Variants in DDX31 observed in about 807,000 individuals in gnomAD.
DDX31 encodes DEAD-box helicase 31.
Under a neutral mutation model 91.3 loss-of-function variants are expected in DDX31, and 70 were observed. The observed-to-expected ratio is 0.77, with a 90% confidence interval of 0.63 to 0.94. DDX31 has a LOEUF of 0.94. Ranked by LOEUF, DDX31 falls within the 40% of genes least tolerant of loss-of-function variation. DDX31 has a pLI of 0.00. For missense variants in DDX31, 902 were observed against 925.0 expected (o/e 0.98, Z 0.32); for synonymous variants, 362 against 350.6 (o/e 1.03, Z -0.36).
At chr9:132,659,687 G>T (rs1448717281) in intron 5 of DDX31, 23 bp downstream of exon 5, 4 of 1,596,720 alleles carry the variant, frequency 2.5e-6, no homozygotes, top group South Asian at 2.3e-5. Flanking sequence ...GATGAAAAAG[G>T]GCAGAGATGA....
chr9:132,659,358 C>A (rs183085711), intron 5 of DDX31, among the ~76,000 whole-genome samples: 1 of 152,166 alleles, frequency 6.6e-6, no homozygotes, highest in Admixed American at 6.5e-5. Flanking sequence ...GATCAGTGTA[C>A]GCTCAGGCCA....
At chr9:132,633,361 T>C (rs1332359785) in intron 14 of DDX31, among the ~76,000 whole-genome samples, 1 of 152,014 alleles carries the variant, frequency 6.6e-6, no homozygotes, top group Non-Finnish European at 1.5e-5. Flanking sequence ...CTTCTAAAAG[T>C]CCACACAAAA....
chr9:132,618,425 C>T lies in DDX31; in HGVS notation c.1730G>A (p.Gly577Asp). Residue 577 changes from glycine (G) to aspartate (D), a missense_variant, in exon 18 of 20, where the codon GGC (glycine) becomes GAC (aspartate). Physicochemically the swap from Gly to Asp is moderately conservative, Grantham distance 94. Transcript: ENST00000372159. ...GGCTCGCTCTCGGATTTCCTGGGGG[C>T]CAACAGCATGGGATTTCTGAGAGGG... ...RWGAQKSHAV[G>D]PQEIRERATV... 6.2e-7 allele frequency: 1 copy of T among 1,610,870 alleles called. No homozygotes were observed. The highest frequency in any genetic ancestry group is 8.5e-7 in the Non-Finnish European group (1 of 1,178,660).
intron 18 of DDX31, among the ~76,000 whole-genome samples, chr9:132,615,361 C>T (rs1831570656): frequency 6.6e-6 from 1 of 152,202 alleles, no homozygotes; most frequent in South Asian, 2.1e-4. Context: ...CCCACCTCCA[C>T]TCCCACAAGA....
At chr9:132,620,736 T>C (rs1831975763) in intron 17 of DDX31, among the ~76,000 whole-genome samples, 1 of 151,978 alleles carries the variant, frequency 6.6e-6, no homozygotes, top group African/African-American at 2.4e-5. Flanking sequence ...GGGGGCAGAG[T>C]TATGCAGCAC....
intron 7 of DDX31, 37 bp downstream of exon 7, chr9:132,652,411 T>C (rs1279005154): frequency 1.2e-6 from 2 of 1,613,690 alleles, no homozygotes; most frequent in Non-Finnish European, 8.5e-7. Flanking sequence ...AGTGAAAGCA[T>C]GTGCTTAAAA....
At chr9:132,660,651 T>C (rs1834877020) in intron 4 of DDX31, among the ~76,000 whole-genome samples, 1 of 152,206 alleles carries the variant, frequency 6.6e-6, no homozygotes, top group East Asian at 1.9e-4. Context: ...TCCCTTAATT[T>C]GGACTTTAAT....
intron 17 of DDX31, among the ~76,000 whole-genome samples, chr9:132,621,383 G>A (rs1832023651): frequency 2.0e-5 from 3 of 152,134 alleles, no homozygotes; most frequent in African/African-American, 7.2e-5. Context: ...AAAGTTGAAA[G>A]ATCAAATTTA....
At chr9:132,632,121 A>T (rs770245369) in intron 14 of DDX31, 30 bp from the exon 15 acceptor site, 11 of 1,605,178 alleles carry the variant, frequency 6.9e-6, no homozygotes, top group Non-Finnish European at 9.4e-6. Flanking sequence ...ATGGTTTAAC[A>T]CTGAGTTTCT....
At chr9:132,662,230 A>G (rs766988059) in intron 3 of DDX31, 31 bp downstream of exon 3, 17 of 1,612,340 alleles carry the variant, frequency 1.1e-5, no homozygotes, top group Middle Eastern at 1.6e-4. Flanking sequence ...ACCAAAAAAA[A>G]CTGACCCAGA....
chr9:132,622,631 C>T (rs745417210), intron 17 of DDX31, among the ~76,000 whole-genome samples: 25 of 152,284 alleles, frequency 1.6e-4, no homozygotes, highest in Admixed American at 4.6e-4. Context: ...ATACCTGAGA[C>T]GACGTTTGAT....
intron 16 of DDX31, among the ~76,000 whole-genome samples, chr9:132,629,021 C>T (rs1832565871): frequency 1.3e-5 from 2 of 152,248 alleles, no homozygotes; most frequent in South Asian, 4.1e-4. Flanking sequence ...CCCCAGGGTT[C>T]CTGGTACACC....
intron 9 of DDX31, among the ~76,000 whole-genome samples, chr9:132,649,348 G>A (rs1054276969): frequency 6.6e-6 from 1 of 152,242 alleles, no homozygotes; most frequent in Admixed American, 6.5e-5. Flanking sequence ...AGCACCTTCA[G>A]AGGGAGCAGG....
At chr9:132,666,247 G>A (rs1835299874) in intron 1 of DDX31, among the ~76,000 whole-genome samples, 1 of 151,816 alleles carries the variant, frequency 6.6e-6, no homozygotes, top group Non-Finnish European at 1.5e-5. Context: ...CTGCTTCTGG[G>A]CTCTCTTTTC....
At chr9:132,614,240 A>T (rs1311250047) in intron 18 of DDX31, among the ~76,000 whole-genome samples, 1 of 152,198 alleles carries the variant, frequency 6.6e-6, no homozygotes, top group Non-Finnish European at 1.5e-5. Flanking sequence ...CCAATCGATG[A>T]GCAATAATAA....
intron 4 of DDX31, among the ~76,000 whole-genome samples, chr9:132,660,231 A>G (rs1477486970): frequency 6.6e-6 from 1 of 151,144 alleles, no homozygotes; most frequent in African/African-American, 2.4e-5. Context: ...GCTACTCAGG[A>G]GGTTGAGGCA....
chr9:132,638,273 G>C lies in DDX31; in HGVS notation c.1440+3731C>G, dbSNP rs78676585. 6.9e-6 allele frequency: 11 copies of C among 1,604,848 alleles called. 1 individual carries two copies. The East Asian group carries it at 2.0e-4, about 29-fold the overall frequency. ...AGGTGGCTTAGAAACTCCATTTTCCGGCCATTCGGTGGTACTTCTTATCAA... is the reference window on the plus strand; with the variant it reads ...AGGTGGCTTAGAAACTCCATTTTCCCGCCATTCGGTGGTACTTCTTATCAA... On this transcript the variant is annotated intron_variant, in intron 14 of 19. Coordinates refer to ENST00000372159, the MANE Select transcript of DDX31 (RefSeq NM_022779.9).
At position 132,625,644 on chromosome 9, in the gene DDX31, C is replaced by T. The variant is rs781568454; in HGVS notation, c.1713+20G>A. 4 of 1,604,996 alleles carry T rather than the reference C, an allele frequency of 2.5e-6. No individual in the cohort carries two copies. In the African/African-American group the frequency reaches 5.3e-5, roughly 21 times the overall value. On this transcript the variant is annotated intron_variant, in intron 17 of 19. Coordinates refer to ENST00000372159, the MANE Select transcript of DDX31 (RefSeq NM_022779.9). Reference sequence around the variant, plus strand: ...GAGTCACATCTGTTGGCAGCGAGCACAATAAATAACAAAACTCACCTGGGC... The same window carrying T: ...GAGTCACATCTGTTGGCAGCGAGCATAATAAATAACAAAACTCACCTGGGC...
At chr9:132,596,555 C>T (rs1020583805) in intron 19 of DDX31, among the ~76,000 whole-genome samples, 4 of 152,162 alleles carry the variant, frequency 2.6e-5, no homozygotes, top group African/African-American at 9.7e-5. Context: ...GGAAATGATT[C>T]ACATACACAA....
Sources: allele counts gnomAD v4.1 joint callset (sites outside exome capture counted in the v4.1 genomes callset), GRCh38; gene constraint gnomAD v4.1.1; transcripts MANE v1.5; gene names NCBI Gene and HGNC (gene_info 2026-07-23, HGNC 2026-07-21).